The following DZANK1 variants were observed in gnomAD, a reference collection of about 807,000 sequenced individuals.
DZANK1 encodes the protein double zinc ribbon and ankyrin repeat domains 1.
DZANK1 carries 91 observed loss-of-function variants against 94.5 expected under a neutral mutation model. That is an observed-to-expected ratio of 0.96 (90% CI 0.81 to 1.15). The LOEUF (loss-of-function observed/expected upper bound fraction) is 1.15, where lower values mean the gene tolerates loss of function less well. DZANK1 is among the 50% of genes most tolerant of loss of function. The probability of loss-of-function intolerance (pLI) is 0.00; values close to 1 mark genes in which losing one functional copy is unlikely to be tolerated. For synonymous variants in DZANK1, 312 were observed against 325.3 expected (o/e 0.96, Z 0.44); for missense variants, 903 against 916.4 (o/e 0.99, Z 0.19).
At chr20:18,448,866 CAAA>C (rs1204337584) in intron 7 of DZANK1, 115 bp downstream of exon 7, 13,980 of 462,324 alleles carry the variant, frequency 0.03, 93 homozygotes, top group South Asian at 0.041. Flanking sequence ...GACTCCGTCT[CAAA>C]AAAAAAAAAA....
Position 18,460,245 on chromosome 20 carries a change from T to A in DZANK1, c.171A>T (p.Arg57Ser), listed in dbSNP as rs191350442. The A allele has an allele frequency of 4.8e-5, 76 of 1,594,348 alleles. No homozygotes were observed. The East Asian group carries it at 1.7e-3, about 35-fold the overall frequency. ...ATGTGTTATTTTCCCCATAACCAAT[T>A]CTCTTTAGAAATTCAGGTTTGCTGC... The change falls in exon 3 of 21, where the codon AGA (arginine) becomes AGT (serine). Residue 57 changes from arginine to serine, a missense_variant. By Grantham distance (110) the Arg-to-Ser change is moderately radical. Coordinates refer to ENST00000262547, the Ensembl canonical transcript of DZANK1.
intron 7 of DZANK1, 83 bp downstream of exon 7, chr20:18,448,901 A>C (rs1569001075): frequency 1.6e-6 from 2 of 1,274,532 alleles, no homozygotes; most frequent in Admixed American, 4.5e-5. Context: ...GAGGTGGGCA[A>C]AAATGTCGTA....
intron 19 of DZANK1, among the ~76,000 whole-genome samples, chr20:18,386,701 T>TA (rs2048514906): frequency 6.6e-6 from 1 of 152,152 alleles, no homozygotes; most frequent in Non-Finnish European, 1.5e-5. Flanking sequence ...CTAACAGTTC[T>TA]AGAAAGAGAA....
At chr20:18,384,562 C>T (rs2048366659) in exon 21 of DZANK1, 1 of 1,599,290 alleles carries the variant, frequency 6.3e-7, no homozygotes, top group South Asian at 1.1e-5. Flanking sequence ...GCTTGCATTG[C>T]ATCTGCAAAG....
At chr20:18,451,784 C>T in intron 6 of DZANK1, 2 of 466,770 alleles carry the variant, frequency 4.3e-6, no homozygotes, top group African/African-American at 2.0e-5. Context: ...TCCGTCGGAT[C>T]CCTCAGCAAA....
intron 2 of DZANK1, among the ~76,000 whole-genome samples, chr20:18,463,518 AG>A (rs2059544401): frequency 1.3e-5 from 2 of 148,834 alleles, no homozygotes; most frequent in Admixed American, 1.3e-4. Flanking sequence ...AACAAAAAAA[AG>A]GTCTTTTCAT....
intron 7 of DZANK1, among the ~76,000 whole-genome samples, chr20:18,446,524 T>G (rs1031154271): frequency 1.3e-5 from 2 of 152,182 alleles, no homozygotes; most frequent in African/African-American, 4.8e-5. Context: ...TAGTTCTAAA[T>G]GCCTATGCTA....
intron 4 of DZANK1, chr20:18,454,052 G>T: frequency 1.6e-6 from 1 of 636,538 alleles, no homozygotes; most frequent in Admixed American, 2.0e-5. Flanking sequence ...ACCAGGTGAA[G>T]TGGCCAAGGC....
intron 17 of DZANK1, among the ~76,000 whole-genome samples, chr20:18,391,649 T>A (rs897536672): frequency 5.9e-5 from 9 of 152,242 alleles, no homozygotes; most frequent in African/African-American, 2.2e-4. Flanking sequence ...TTGCTTTTAG[T>A]ATGTTTCTGC....
intron 6 of DZANK1, chr20:18,451,766 C>T (rs971985048): frequency 9.1e-6 from 4 of 440,872 alleles, no homozygotes; most frequent in Admixed American, 5.3e-5. Flanking sequence ...TCCTCCCCTT[C>T]CCTCTCATCC....
intron 10 of DZANK1, among the ~76,000 whole-genome samples, chr20:18,422,483 G>T (rs2180658): frequency 7.2e-5 from 11 of 151,998 alleles, no homozygotes; most frequent in Admixed American, 1.3e-4. Flanking sequence ...ATCTAAAATG[G>T]TCCTAAATCC....
intron 13 of DZANK1, among the ~76,000 whole-genome samples, chr20:18,399,729 T>C (rs1397855420): frequency 6.6e-6 from 1 of 152,248 alleles, no homozygotes; most frequent in African/African-American, 2.4e-5. Flanking sequence ...GTTTCTCATA[T>C]GCAGGCGGAA....
intron 13 of DZANK1, among the ~76,000 whole-genome samples, chr20:18,401,519 T>A (rs565355043): frequency 5.9e-5 from 9 of 152,218 alleles, no homozygotes; most frequent in Non-Finnish European, 1.2e-4. Flanking sequence ...CAGGGACGGT[T>A]CATCTCTGCT....
intron 20 of DZANK1, 79 bp from the exon 21 acceptor site, chr20:18,384,643 T>C (rs1600681591): frequency 1.4e-6 from 2 of 1,445,324 alleles, no homozygotes; most frequent in East Asian, 2.5e-5. Flanking sequence ...TACCCTGCCA[T>C]GGAGGCCAGG....
At chr20:18,417,553 T>C (rs1423131727) in intron 10 of DZANK1, among the ~76,000 whole-genome samples, 2 of 152,156 alleles carry the variant, frequency 1.3e-5, no homozygotes, top group Non-Finnish European at 1.5e-5. Flanking sequence ...ACCACATTAA[T>C]AGACAACTCT....
intron 8 of DZANK1, among the ~76,000 whole-genome samples, chr20:18,438,704 T>C (rs939696845): frequency 6.6e-6 from 1 of 152,206 alleles, no homozygotes; most frequent in Admixed American, 6.5e-5. Flanking sequence ...ATAAAGTGGG[T>C]GGCTTGTAAA....
rs557420796 is a variant in DZANK1, at chr20:18,430,242, T to C, written c.862-3083A>G. Reference sequence around the variant, plus strand: ...TAAAGTTCTGCTTGAGGTGGAGTTATGGTTACACTGGCCTTAACCCCAAAT... The same window carrying C: ...TAAAGTTCTGCTTGAGGTGGAGTTACGGTTACACTGGCCTTAACCCCAAAT... On this transcript the variant is annotated intron_variant, in intron 9 of 20. Transcript: ENST00000262547. Among the ~76,000 whole-genome samples, 5 of 152,288 alleles carry C rather than the reference T, an allele frequency of 3.3e-5. No individual in the cohort carries two copies. The South Asian group carries it at 6.2e-4, about 19-fold the overall frequency.
In DZANK1 at chr20:18,393,878, C is replaced by T. The variant is rs2056166818; in HGVS notation, c.1709-67G>A. On this transcript the variant is annotated intron_variant, in intron 16 of 20. Transcript: ENST00000262547. ...CAACTCCCCACACAAACAGTTATTT[C>T]TTACTTCCACGTCCCTCAAAAGTCA... 4.7e-6 allele frequency: 5 copies of T among 1,053,860 alleles called. No homozygotes were observed. In the South Asian group the frequency reaches 6.9e-5, roughly 14 times the overall value. 65.3% of individuals were successfully genotyped at this position (1,053,860 alleles called of 1,614,324 possible).
At chr20:18,456,887 T>C (rs139686734) in intron 3 of DZANK1, among the ~76,000 whole-genome samples, 63 of 152,350 alleles carry the variant, frequency 4.1e-4, no homozygotes, top group African/African-American at 1.2e-3. Flanking sequence ...TATAAGTCTT[T>C]ATGTGGACAC....
Sources: gnomAD v4.1 joint callset for allele counts (sites outside exome capture counted in the v4.1 genomes callset) on GRCh38, gnomAD v4.1.1 for gene constraint, MANE v1.5 for transcripts, NCBI Gene and HGNC (gene_info 2026-07-23, HGNC 2026-07-21) for gene names.